The following DNAH6 variants were observed in gnomAD, a reference collection of about 807,000 sequenced individuals.
DNAH6 encodes the protein dynein axonemal heavy chain 6.
In DNAH6, 340 loss-of-function variants were observed where a neutral mutation model predicts 491.4. The ratio of observed to expected loss-of-function variants is 0.69; its 90% CI spans 0.63 to 0.76. DNAH6 has a LOEUF of 0.76. DNAH6 is among the 30% of genes least tolerant of loss of function. The pLI, the probability that DNAH6 is intolerant of heterozygous loss-of-function variation, is 0.00. For missense variants in DNAH6, 4,443 were observed against 4,972.2 expected, an observed-to-expected ratio of 0.89 and a Z score of 3.20; for synonymous variants, 1,603 against 1,686.1, an observed-to-expected ratio of 0.95 and a Z score of 1.21.
intron 16 of DNAH6, among the ~76,000 whole-genome samples, chr2:84,593,312 A>G (rs1416914126): frequency 6.6e-6 from 1 of 152,132 alleles, no homozygotes; most frequent in African/African-American, 2.4e-5. Context: ...AATCATTTGC[A>G]ACTCTTAATA....
intron 70 of DNAH6, among the ~76,000 whole-genome samples, chr2:84,801,354 T>A (rs1037834546): frequency 1.3e-5 from 2 of 151,262 alleles, no homozygotes; most frequent in African/African-American, 4.9e-5. Context: ...ACTAGAGAAG[T>A]TGGCATGCAG....
At chr2:84,790,721 A>G (rs555881635) in intron 68 of DNAH6, among the ~76,000 whole-genome samples, 1 of 152,240 alleles carries the variant, frequency 6.6e-6, no homozygotes, top group Non-Finnish European at 1.5e-5. Flanking sequence ...TAATTTTAAA[A>G]GATAATAACA....
chr2:84,695,659 C>T (rs966205625), intron 46 of DNAH6, among the ~76,000 whole-genome samples: 2 of 152,062 alleles, frequency 1.3e-5, no homozygotes, highest in African/African-American at 4.8e-5. Context: ...GAAGCATCCA[C>T]ATTTTAATGT....
At chr2:84,784,890 C>A in intron 66 of DNAH6, 80 bp downstream of exon 66, 2 of 1,004,640 alleles carry the variant, frequency 2.0e-6, no homozygotes, top group South Asian at 2.9e-5. Context: ...GAGATCAGAG[C>A]CTGCACAGAA....
At chr2:84,522,869 C>T (rs1676279348) in intron 2 of DNAH6, among the ~76,000 whole-genome samples, 1 of 151,894 alleles carries the variant, frequency 6.6e-6, no homozygotes. Flanking sequence ...GATTTGCAAG[C>T]ATTTTGTTGA....
intron 37 of DNAH6, among the ~76,000 whole-genome samples, chr2:84,667,389 A>T (rs1692240831): frequency 6.6e-6 from 1 of 152,228 alleles, no homozygotes; most frequent in South Asian, 2.1e-4. Context: ...AAAAAACTTA[A>T]ACAAATTTAC....
At chr2:84,607,325 A>G (rs865840756) in intron 21 of DNAH6, among the ~76,000 whole-genome samples, 6 of 152,200 alleles carry the variant, frequency 3.9e-5, no homozygotes, top group South Asian at 2.1e-4. Flanking sequence ...GTATACTTCA[A>G]TGATATTGTA....
intron 5 of DNAH6, among the ~76,000 whole-genome samples, chr2:84,546,803 T>C (rs1678839643): frequency 6.6e-6 from 1 of 152,196 alleles, no homozygotes; most frequent in Non-Finnish European, 1.5e-5. Context: ...CGTTTAACCT[T>C]TTGAGAAAAC....
At chr2:84,499,229 C>T in the DNAH6 span, among the ~76,000 whole-genome samples, 5 of 151,972 alleles carry the variant, frequency 3.3e-5, no homozygotes, top group Admixed American at 6.6e-5. Flanking sequence ...CATCCTTCTA[C>T]TCTGTGTATC....
At position 84,737,421 on chromosome 2, in the gene DNAH6, C is replaced by T. The variant is rs1325581693; in HGVS notation, c.10342+3842C>T. ...GAATTGGTACCAGCTCTTCTTTGTA[C>T]ATCTGGTACAATTTGGTTGTAAAGG... On this transcript the variant is annotated intron_variant, in intron 62 of 76. Coordinates refer to ENST00000389394, the MANE Select transcript of DNAH6 (RefSeq NM_001370.2). Among the ~76,000 whole-genome samples the T allele has an allele frequency of 2.0e-5, 3 of 151,960 alleles. No homozygotes were observed. The East Asian group carries it at 5.8e-4, about 29-fold the overall frequency.
At chr2:84,626,020 TC>T (rs1329615250) in intron 29 of DNAH6, among the ~76,000 whole-genome samples, 1 of 152,208 alleles carries the variant, frequency 6.6e-6, no homozygotes, top group African/African-American at 2.4e-5. Context: ...ACACATCTTT[TC>T]GTACTCTATA....
intron 61 of DNAH6, among the ~76,000 whole-genome samples, chr2:84,732,511 T>G (rs1229688263): frequency 1.3e-5 from 2 of 152,204 alleles, no homozygotes; most frequent in African/African-American, 2.4e-5. Flanking sequence ...AACACTAAGC[T>G]AAGACGTCCG....
intron 33 of DNAH6, among the ~76,000 whole-genome samples, chr2:84,651,841 G>T (rs1345244756): frequency 6.6e-6 from 1 of 151,984 alleles, no homozygotes; most frequent in East Asian, 1.9e-4. Context: ...GAAATAAGTT[G>T]GTTGACACTT....
chr2:84,619,867 A>G lies in DNAH6; in HGVS notation c.3755A>G (p.Asn1252Ser). 6.4e-7 allele frequency: 1 copy of G among 1,551,300 alleles called. No homozygotes were observed. The highest frequency in any genetic ancestry group is 8.7e-7 in the Non-Finnish European group (1 of 1,146,714). ...GGAGAACCAGAAAAGGTTTATACTA[A>G]TGATATTTTAGCAATGCTGTCACCA... is the stretch of plus-strand genomic sequence containing the variant. Reference protein sequence around the residue: ...IDGEPEKVYTNDILAMLSPEG... With the variant: ...IDGEPEKVYTSDILAMLSPEG... Residue 1252 changes from asparagine (N) to serine (S), a missense_variant, in exon 24 of 77, where the codon AAT (asparagine) becomes AGT (serine). Asn to Ser is a conservative substitution (Grantham distance 46). Around this residue, in one of 3 missense-constraint regions of DNAH6, gnomAD observed 2,977 missense variants for 3,296.6 expected, o/e 0.90. Transcript: ENST00000389394.
intron 76 of DNAH6, among the ~76,000 whole-genome samples, chr2:84,817,642 G>A (rs902013361): frequency 6.6e-6 from 1 of 152,102 alleles, no homozygotes; most frequent in Non-Finnish European, 1.5e-5. Context: ...GTTTGTGTTT[G>A]TGTTGCTATA....
At chr2:84,769,858 C>A (rs1039879509) in intron 64 of DNAH6, among the ~76,000 whole-genome samples, 1 of 152,182 alleles carries the variant, frequency 6.6e-6, no homozygotes, top group Non-Finnish European at 1.5e-5. Context: ...CTTTGAAAAT[C>A]TCCTACATAT....
At chr2:84,619,348 T>C (rs773662135) in intron 23 of DNAH6, among the ~76,000 whole-genome samples, 2 of 152,194 alleles carry the variant, frequency 1.3e-5, no homozygotes, top group Non-Finnish European at 2.9e-5. Flanking sequence ...GGAAAACAAA[T>C]AATACATCTT....
chr2:84,727,790 A>G lies in DNAH6; in HGVS notation c.10094A>G (p.Gln3365Arg), dbSNP rs1698777971. 1 of 1,551,718 alleles carries G rather than the reference A, an allele frequency of 6.4e-7. No individual in the cohort carries two copies. Among genetic ancestry groups the G allele is most frequent in the African/African-American group, 1.4e-5 (1 of 73,182 alleles). The stretch of plus-strand genomic sequence containing the variant: ...AATGTTTCAAGAGGACTTTTTGAGC[A>G]ACATAAACTCATCTACAGCTTTATG... ...YVNVSRGLFE[Q>R]HKLIYSFMLC... Residue 3365 changes from glutamine to arginine, a missense_variant, in exon 61 of 77, where the codon CAA (glutamine) becomes CGA (arginine). Gln to Arg is a conservative substitution (Grantham distance 43). Transcript: ENST00000389394.
At chr2:84,464,763 G>C in the DNAH6 span, among the ~76,000 whole-genome samples, 1 of 152,080 alleles carries the variant, frequency 6.6e-6, no homozygotes, top group Non-Finnish European at 1.5e-5. Flanking sequence ...TTTGGTTTTG[G>C]TGGGTTTTGG....
Sources: gnomAD v4.1 joint callset for allele counts (sites outside exome capture counted in the v4.1 genomes callset) on GRCh38, gnomAD v4.1.1 for gene constraint, gnomAD v4.1.1 regional missense constraint, MANE v1.5 for transcripts, NCBI Gene and HGNC (gene_info 2026-07-23, HGNC 2026-07-21) for gene names.